Variants in NKAIN3 observed in about 807,000 individuals in gnomAD.
NKAIN3 encodes the protein sodium/potassium-transporting ATPase subunit beta-1-interacting protein 3.
In NKAIN3, 25 loss-of-function variants were observed where a neutral mutation model predicts 30.2. The ratio of observed to expected loss-of-function variants is 0.83; its 90% CI spans 0.60 to 1.16. The LOEUF is 1.16. Ranked by LOEUF, NKAIN3 falls within the 50% of genes most tolerant of loss-of-function variation. The pLI is 0.00. For missense variants in NKAIN3, 225 were observed against 254.1 expected, an observed-to-expected ratio of 0.89 and a Z score of 0.78; for synonymous variants, 91 against 89.6, an observed-to-expected ratio of 1.02 and a Z score of -0.09.
intron 5 of NKAIN3, chr8:62,990,021 C>G (rs779897831): frequency 9.7e-6 from 5 of 513,276 alleles, no homozygotes; most frequent in Non-Finnish European, 1.8e-5. Context: ...CATCTTGTAT[C>G]TGCTCAATGA....
At chr8:62,829,462 C>A (rs1819126454) in intron 4 of NKAIN3, among the ~76,000 whole-genome samples, 1 of 152,100 alleles carries the variant, frequency 6.6e-6, no homozygotes, top group Non-Finnish European at 1.5e-5. Context: ...GAAAAAAATA[C>A]CGTAAGCAAA....
At chr8:62,856,694 G>A in intron 4 of NKAIN3, 1 of 747,968 alleles carries the variant, frequency 1.3e-6, no homozygotes, top group Non-Finnish European at 2.4e-6. Flanking sequence ...GGCCCATCAG[G>A]TCTTGGAAAC....
intron 1 of NKAIN3, among the ~76,000 whole-genome samples, chr8:62,279,767 G>T (rs1813106952): frequency 6.6e-6 from 1 of 152,268 alleles, no homozygotes; most frequent in Middle Eastern, 3.4e-3. Flanking sequence ...TGCTGTTTTG[G>T]TTACTGTAGC....
At chr8:62,756,116 T>C (rs191398417) in intron 4 of NKAIN3, among the ~76,000 whole-genome samples, 6 of 152,344 alleles carry the variant, frequency 3.9e-5, no homozygotes, top group African/African-American at 1.4e-4. Flanking sequence ...ATACAATTCA[T>C]CATTTTAAAG....
intron 1 of NKAIN3, among the ~76,000 whole-genome samples, chr8:62,578,194 T>C (rs1040149768): frequency 2.6e-5 from 4 of 152,150 alleles, no homozygotes; most frequent in African/African-American, 9.7e-5. Context: ...AATTTTTCAA[T>C]GTAGAATACA....
intron 4 of NKAIN3, among the ~76,000 whole-genome samples, chr8:62,885,122 G>T (rs1174228829): frequency 6.6e-6 from 1 of 152,046 alleles, no homozygotes; most frequent in African/African-American, 2.4e-5. Context: ...TGTATTCAAT[G>T]CTATACAGTT....
intron 1 of NKAIN3, among the ~76,000 whole-genome samples, chr8:62,465,078 C>T (rs1469952405): frequency 2.0e-5 from 3 of 152,154 alleles, no homozygotes; most frequent in East Asian, 1.9e-4. Context: ...AAAGGTATCA[C>T]TTTACAGCTT....
intron 3 of NKAIN3, among the ~76,000 whole-genome samples, chr8:62,652,071 C>CT (rs1812638893): frequency 6.6e-6 from 1 of 152,088 alleles, no homozygotes; most frequent in South Asian, 2.1e-4. Context: ...AGGAAGCTCT[C>CT]TAGGGTCTCA....
chr8:62,908,266 C>A (rs1821838142), intron 4 of NKAIN3, among the ~76,000 whole-genome samples: 2 of 152,158 alleles, frequency 1.3e-5, no homozygotes, highest in Non-Finnish European at 2.9e-5. Context: ...CCCATTGTAT[C>A]TTGGAAGTAA....
chr8:62,675,030 T>C (rs956041682), intron 3 of NKAIN3, among the ~76,000 whole-genome samples: 3 of 152,218 alleles, frequency 2.0e-5, no homozygotes, highest in Non-Finnish European at 2.9e-5. Context: ...AGGAACAGTG[T>C]AGTCTTTGCT....
intron 1 of NKAIN3, among the ~76,000 whole-genome samples, chr8:62,305,506 A>G (rs1011749296): frequency 6.6e-6 from 1 of 150,564 alleles, no homozygotes; most frequent in Non-Finnish European, 1.5e-5. Context: ...CCTGCTGACT[A>G]TTGCTTCTCA....
chr8:62,917,489 G>A (rs1395728314), intron 4 of NKAIN3, among the ~76,000 whole-genome samples: 1 of 152,168 alleles, frequency 6.6e-6, no homozygotes, highest in East Asian at 1.9e-4. Flanking sequence ...ACAGTCCAGA[G>A]ATGGATGACA....
chr8:62,805,225 C>T (rs1165454990), intron 4 of NKAIN3, among the ~76,000 whole-genome samples: 1 of 151,698 alleles, frequency 6.6e-6, no homozygotes, highest in Non-Finnish European at 1.5e-5. Context: ...GGCCATACTG[C>T]CCAAGGTAAT....
intron 1 of NKAIN3, among the ~76,000 whole-genome samples, chr8:62,533,585 T>A (rs185890263): frequency 7.9e-5 from 12 of 152,326 alleles, no homozygotes; most frequent in African/African-American, 2.9e-4. Flanking sequence ...TTCTCTCTAC[T>A]TGGAAGGCCC....
chr8:62,962,416 CTGAG>C (rs1416496875), intron 6 of NKAIN3, among the ~76,000 whole-genome samples: 1 of 151,928 alleles, frequency 6.6e-6, no homozygotes, highest in South Asian at 2.1e-4. Flanking sequence ...TGATTATGGG[CTGAG>C]TATTAAATGA....
At chr8:62,804,767 A>G (rs1439784244) in intron 4 of NKAIN3, among the ~76,000 whole-genome samples, 2 of 151,990 alleles carry the variant, frequency 1.3e-5, no homozygotes, top group Admixed American at 1.3e-4. Context: ...CTCTCACCAC[A>G]CCTATTCAAC....
intron 1 of NKAIN3, among the ~76,000 whole-genome samples, chr8:62,404,614 A>T (rs193168852): frequency 1.3e-5 from 2 of 152,266 alleles, no homozygotes; most frequent in East Asian, 3.9e-4. Flanking sequence ...TTCCTTCACC[A>T]TGATTTTAAG....
intron 1 of NKAIN3, among the ~76,000 whole-genome samples, chr8:62,335,729 G>A (rs1480873457): frequency 6.6e-6 from 1 of 151,910 alleles, no homozygotes; most frequent in African/African-American, 2.4e-5. Flanking sequence ...CCTTAACTAG[G>A]CTCTAGTCCT....
intron 4 of NKAIN3, among the ~76,000 whole-genome samples, chr8:62,778,908 G>C (rs754075652): frequency 6.6e-6 from 1 of 151,978 alleles, no homozygotes; most frequent in Admixed American, 6.6e-5. Flanking sequence ...AGGCCCAAAG[G>C]CTCTTCAGTT....
Sources: gnomAD v4.1 joint callset for allele counts (sites outside exome capture counted in the v4.1 genomes callset) on GRCh38, gnomAD v4.1.1 for gene constraint, MANE v1.5 for transcripts, NCBI Gene and HGNC (gene_info 2026-07-23, HGNC 2026-07-21) for gene names.